The following PSMF1 variants were observed in gnomAD, a reference collection of about 807,000 sequenced individuals.
PSMF1 encodes proteasome inhibitor PI31 subunit.
A neutral mutation model predicts 29.3 loss-of-function variants in PSMF1; 30 were observed. The observed-to-expected ratio is 1.02, with a 90% CI of 0.77 to 1.39. The LOEUF (loss-of-function observed/expected upper bound fraction) is 1.39. PSMF1 is among the 40% of genes most tolerant of loss of function. The probability of loss-of-function intolerance (pLI) is 0.00; values close to 1 mark genes in which losing one functional copy is unlikely to be tolerated. For missense variants in PSMF1, 344 were observed against 357.5 expected, an observed-to-expected ratio of 0.96 and a Z score of 0.31; for synonymous variants, 134 against 139.7, an observed-to-expected ratio of 0.96 and a Z score of 0.29.
At chr20:1,118,974 G>A (rs968756440) in intron 1 of PSMF1, 72 bp downstream of exon 1, 3 of 1,551,002 alleles carry the variant, frequency 1.9e-6, no homozygotes, top group Non-Finnish European at 1.8e-6. Context: ...CGGAGGCCTG[G>A]TCCAGAGCGC....
chr20:1,164,421 G>A lies in PSMF1; in HGVS notation c.709G>A (p.Val237Met). The change falls in exon 6 of 7, where the codon GTG becomes ATG. Residue 237 changes from valine to methionine, a missense_variant. Physicochemically the swap from Val to Met is conservative, Grantham distance 21. Coordinates refer to ENST00000335877, the MANE Select transcript of PSMF1 (RefSeq NM_006814.5). This position sits in a 1 kb window ranked among gnomAD's most constrained non-coding sequence, Gnocchi z 4.1. ...GLPNRLPPGA[V>M]PPGARFDPFG... ...CCCGAACCGACTTCCTCCAGGCGCT[G>A]TGCCCCCAGGAGCTCGCTTTGACCC... 2 of 1,614,158 alleles carry A rather than the reference G, an allele frequency of 1.2e-6. No homozygotes were observed.
chr20:1,125,394 C>T, intron 1 of PSMF1, 104 bp from the exon 2 acceptor site: 1 of 1,243,040 alleles, frequency 8.0e-7, no homozygotes, highest in Middle Eastern at 2.0e-4. Flanking sequence ...TCCACATCTT[C>T]ATCTGTGAAG....
chr20:1,159,205 A>G (rs1166848821), intron 4 of PSMF1, among the ~76,000 whole-genome samples: 3 of 152,078 alleles, frequency 2.0e-5, no homozygotes, highest in East Asian at 1.9e-4. Flanking sequence ...AAAATTTTTT[A>G]TATTTTTCCT....
chr20:1,161,352 T>G (rs904443320), intron 4 of PSMF1: 26 of 338,962 alleles, frequency 7.7e-5, no homozygotes, highest in Admixed American at 1.1e-4. Context: ...TTTGGAGGTG[T>G]TGTTCCAGCC....
intron 4 of PSMF1, among the ~76,000 whole-genome samples, chr20:1,139,805 AAATT>A: frequency 6.6e-6 from 1 of 152,206 alleles, no homozygotes; most frequent in Non-Finnish European, 1.5e-5. Flanking sequence ...AACAATCTAA[AAATT>A]AATGAAATTA....
chr20:1,121,187 C>G (rs2086082588), intron 1 of PSMF1, among the ~76,000 whole-genome samples: 1 of 151,744 alleles, frequency 6.6e-6, no homozygotes, highest in African/African-American at 2.4e-5. Flanking sequence ...TAATTTTTCT[C>G]TGTTCATGGT....
Position 1,167,238 on chromosome 20 carries a change from A to G in PSMF1, c.*2158A>G, listed in dbSNP as rs1417681850. ...TCCTTCCAGTCATGAGTAATCATCA[A>G]GGAGCAAGTTGGAGTGTTTCAGGTG... is the stretch of plus-strand genomic sequence containing the variant. On this transcript the variant is annotated 3_prime_UTR_variant, in exon 7 of 7. Transcript: ENST00000335877. 3 of 152,328 alleles carry G rather than the reference A, an allele frequency of 2.0e-5. No individual in the cohort carries two copies. Among genetic ancestry groups the G allele is most frequent in the African/African-American group, 7.2e-5 (3 of 41,560 alleles). The allele number at this position is 152,328 out of a possible 1,614,324, so 9.4% of individuals were successfully genotyped here.
In PSMF1 at chr20:1,129,794, C is replaced by T. The variant is rs562688078; in HGVS notation, c.365+2286C>T. 4.5e-4 allele frequency among the ~76,000 whole-genome samples: 69 copies of T among 152,246 alleles called. No homozygotes were observed. The South Asian group carries it at 0.012, about 27-fold the overall frequency. On this transcript the variant is annotated intron_variant, in intron 3 of 6. Transcript: ENST00000335877. ...ATATGACAGTTCTTCAAAAAATTACCGTATAATCCTGCATGTCCACTTCCG... is the reference window on the plus strand; with the variant it reads ...ATATGACAGTTCTTCAAAAAATTACTGTATAATCCTGCATGTCCACTTCCG...
At chr20:1,156,046 A>G (rs2086590749) in intron 4 of PSMF1, among the ~76,000 whole-genome samples, 1 of 152,238 alleles carries the variant, frequency 6.6e-6, no homozygotes, top group African/African-American at 2.4e-5. Flanking sequence ...AATGAATGGA[A>G]TGATAGACAG....
upstream of PSMF1, among the ~76,000 whole-genome samples, chr20:1,113,643 C>T (rs549445573): frequency 9.2e-5 from 14 of 152,166 alleles, no homozygotes; most frequent in South Asian, 2.9e-3. Context: ...ATGCCAGTGC[C>T]TATTCCATGC....
intron 1 of PSMF1, 121 bp downstream of exon 1, chr20:1,119,023 G>C (rs2072961): frequency 0.81 from 1,091,901 of 1,350,554 alleles, 444,954 homozygotes; most frequent in Non-Finnish European, 0.83. Context: ...GTCTGGGGCA[G>C]ATGGCAGCGT....
At chr20:1,138,949 G>C (rs977565731) in intron 4 of PSMF1, among the ~76,000 whole-genome samples, 4 of 152,090 alleles carry the variant, frequency 2.6e-5, no homozygotes, top group Non-Finnish European at 5.9e-5. Context: ...GCCAAGGCAG[G>C]TGGATTATTT....
rs2086752833 is a variant in PSMF1 at position 1,168,090 on chromosome 20, A to T, written c.*3010A>T. On this transcript the variant is annotated 3_prime_UTR_variant, in exon 7 of 7. Coordinates refer to ENST00000335877, the MANE Select transcript of PSMF1 (RefSeq NM_006814.5). ...TTCCATTTTTTAAAAAAGAATTTTGACCTACACCAAGCAAGGCAGAGACCA... is the reference window on the plus strand; with the variant it reads ...TTCCATTTTTTAAAAAAGAATTTTGTCCTACACCAAGCAAGGCAGAGACCA... 1 of 152,202 alleles carries T rather than the reference A, an allele frequency of 6.6e-6. No homozygotes were observed. The highest frequency in any genetic ancestry group is 2.4e-5 in the African/African-American group (1 of 41,464). 9.4% of individuals were successfully genotyped at this position (152,202 alleles called of 1,614,324 possible).
intron 4 of PSMF1, among the ~76,000 whole-genome samples, chr20:1,137,343 C>T (rs1452837789): frequency 1.3e-5 from 2 of 152,140 alleles, no homozygotes; most frequent in African/African-American, 2.4e-5. Flanking sequence ...AAGTAAAGGT[C>T]GATAGGGGAC....
Position 1,165,395 on chromosome 20 carries a change from G to C in PSMF1, c.*315G>C. ...CTTCAGCAACATATATCCTCGACCA[G>C]ATGCAGTGCTATAAGAACAGAACGC... On this transcript the variant is annotated 3_prime_UTR_variant, in exon 7 of 7. Coordinates refer to ENST00000335877, the MANE Select transcript of PSMF1 (RefSeq NM_006814.5). 1.6e-6 allele frequency: 2 copies of C among 1,264,296 alleles called. No homozygotes were observed. The highest frequency in any genetic ancestry group is 2.0e-6 in the Non-Finnish European group (2 of 1,001,512). The allele number at this position is 1,264,296 out of a possible 1,614,324, so 78.3% of individuals were successfully genotyped here. A position where few individuals can be genotyped will look rare whatever the true frequency, so the allele number is the denominator to read the frequency against.
intron 3 of PSMF1, among the ~76,000 whole-genome samples, chr20:1,129,663 G>T (rs779857974): frequency 4.6e-5 from 7 of 152,250 alleles, no homozygotes; most frequent in Non-Finnish European, 1.0e-4. Flanking sequence ...ACGATGGGTA[G>T]TATCAGAATA....
chr20:1,141,135 T>C (rs894117210), intron 4 of PSMF1, among the ~76,000 whole-genome samples: 12 of 152,150 alleles, frequency 7.9e-5, no homozygotes, highest in African/African-American at 2.7e-4. Context: ...TTTATAGAGA[T>C]AGAAAGCAGA....
rs1568470309 is a variant in PSMF1 at position 1,135,459 on chromosome 20, C to T, written c.551+153C>T. ...GGTGCATGGAGTTAGAAAGTGGAGACGTAAGTGGAGCAGTGAGTTCTTGAA... is the reference window on the plus strand; with the variant it reads ...GGTGCATGGAGTTAGAAAGTGGAGATGTAAGTGGAGCAGTGAGTTCTTGAA... On this transcript the variant is annotated intron_variant, in intron 4 of 6. Coordinates refer to ENST00000335877, the MANE Select transcript of PSMF1 (RefSeq NM_006814.5). Among the ~76,000 whole-genome samples, 4 of 152,166 alleles carry T rather than the reference C, an allele frequency of 2.6e-5. No homozygotes were observed. The South Asian group carries it at 6.2e-4, about 24-fold the overall frequency.
At chr20:1,124,923 T>C (rs1460422534) in intron 1 of PSMF1, among the ~76,000 whole-genome samples, 1 of 152,248 alleles carries the variant, frequency 6.6e-6, no homozygotes, top group Non-Finnish European at 1.5e-5. Context: ...GGGACATTTA[T>C]TGGAGTATGC....
Sources: gnomAD v4.1 joint callset for allele counts (sites outside exome capture counted in the v4.1 genomes callset) on GRCh38, gnomAD v4.1.1 for gene constraint, Gnocchi (gnomAD v3.1) non-coding constraint, MANE v1.5 for transcripts, NCBI Gene and HGNC (gene_info 2026-07-23, HGNC 2026-07-21) for gene names.